Variants in DMD observed in about 807,000 individuals in gnomAD.
DMD encodes dystrophin, also known as mutant dystrophin.
DMD carries 63 observed loss-of-function variants against 330.1 expected under a neutral mutation model. The ratio of observed to expected loss-of-function variants is 0.19; its 90% confidence interval spans 0.16 to 0.24. DMD has a LOEUF of 0.24. Among genes scored for constraint, DMD ranks in the 10% least tolerant of loss-of-function variants. The pLI is 1.00. For missense variants in DMD, 3,344 were observed against 2,684.1 expected, an observed-to-expected ratio of 1.25 and a Z score of -5.43; for synonymous variants, 1,223 against 959.8, an observed-to-expected ratio of 1.27 and a Z score of -5.07.
At chrX:33,154,215 A>C (rs1483534732) in intron 1 of DMD, among the ~76,000 whole-genome samples, 2 of 111,101 alleles carry the variant, frequency 1.8e-5, no homozygotes, top group African/African-American at 6.5e-5. Flanking sequence ...TGATCAACAC[A>C]GTGAAACCCT....
At chrX:33,316,984 A>AT (rs763624106) in intron 1 of DMD, among the ~76,000 whole-genome samples, 2 of 110,751 alleles carry the variant, frequency 1.8e-5, no homozygotes, top group African/African-American at 6.5e-5. Context: ...AGTAAATGCT[A>AT]TTTTTTTCTT....
intron 45 of DMD, among the ~76,000 whole-genome samples, chrX:31,951,111 C>CTATATATA (rs1190843934): frequency 1.5e-5 from 1 of 66,855 alleles, no homozygotes; most frequent in Non-Finnish European, 2.8e-5. Context: ...AACACACATA[C>CTATATATA]TATATATATA....
chrX:31,360,203 T>C (rs2058864251), intron 60 of DMD, among the ~76,000 whole-genome samples: 1 of 111,786 alleles, frequency 8.9e-6, no homozygotes, highest in African/African-American at 3.3e-5. Context: ...CTTCATTTAG[T>C]TGTTCATGGG....
At chrX:32,798,120 C>T (rs955573416) in intron 7 of DMD, among the ~76,000 whole-genome samples, 5 of 111,168 alleles carry the variant, frequency 4.5e-5, no homozygotes, top group Non-Finnish European at 9.4e-5. Flanking sequence ...TAGAAAATAC[C>T]AAAATTTGTT....
intron 43 of DMD, among the ~76,000 whole-genome samples, chrX:32,287,198 TAG>T (rs2097445451): frequency 8.9e-6 from 1 of 111,758 alleles, no homozygotes; most frequent in Non-Finnish European, 1.9e-5. Context: ...TATAAATTTG[TAG>T]ATACAGATTT....
chrX:31,685,247 A>T (rs1333597554), intron 52 of DMD, among the ~76,000 whole-genome samples: 1 of 111,968 alleles, frequency 8.9e-6, no homozygotes, highest in African/African-American at 3.2e-5. Context: ...CAATTTCTTT[A>T]TATTATGAAT....
intron 54 of DMD, among the ~76,000 whole-genome samples, chrX:31,630,321 G>T (rs769966125): frequency 8.9e-6 from 1 of 111,954 alleles, no homozygotes; most frequent in Admixed American, 9.5e-5. Flanking sequence ...CTGAAATATT[G>T]ACAACATCAG....
intron 2 of DMD, among the ~76,000 whole-genome samples, chrX:32,991,088 A>G (rs1484016883): frequency 9.0e-6 from 1 of 111,457 alleles, no homozygotes; most frequent in Non-Finnish European, 1.9e-5. Context: ...AGAAAACTAT[A>G]AAAGTATACA....
At chrX:31,913,970 G>A (rs1434783380) in intron 47 of DMD, among the ~76,000 whole-genome samples, 2 of 112,030 alleles carry the variant, frequency 1.8e-5, no homozygotes, top group Non-Finnish European at 3.8e-5. Flanking sequence ...AGATCCACCC[G>A]TTTTATGCTC....
At chrX:32,009,691 G>T (rs1053806405) in intron 44 of DMD, among the ~76,000 whole-genome samples, 1 of 111,461 alleles carries the variant, frequency 9.0e-6, no homozygotes, top group Non-Finnish European at 1.9e-5. Flanking sequence ...ACATTTAGAG[G>T]CTCCTTGGAG....
At chrX:32,860,102 TAAAG>T (rs2081962081) in intron 2 of DMD, among the ~76,000 whole-genome samples, 1 of 111,495 alleles carries the variant, frequency 9.0e-6, no homozygotes, top group Non-Finnish European at 1.9e-5. Context: ...TAGTATGAAA[TAAAG>T]AAATACGGAA....
intron 64 of DMD, 106 bp downstream of exon 64, chrX:31,222,941 T>C: frequency 1.5e-6 from 1 of 662,399 alleles, no homozygotes; most frequent in African/African-American, 2.1e-5. Flanking sequence ...GCAACAGGAA[T>C]TGTGACAGCT....
chrX:31,362,084 T>A (rs1226299854), intron 60 of DMD, among the ~76,000 whole-genome samples: 1 of 112,514 alleles, frequency 8.9e-6, no homozygotes, highest in Non-Finnish European at 1.9e-5. Context: ...TTTTCCTTAC[T>A]GTATTGAAAT....
intron 17 of DMD, among the ~76,000 whole-genome samples, chrX:32,540,832 G>C (rs2048418290): frequency 8.9e-6 from 1 of 111,950 alleles, no homozygotes; most frequent in African/African-American, 3.2e-5. Flanking sequence ...CATAAAATTA[G>C]TGGAGAATGA....
At chrX:32,865,988 A>G (rs2082449169) in intron 2 of DMD, among the ~76,000 whole-genome samples, 1 of 112,342 alleles carries the variant, frequency 8.9e-6, no homozygotes, top group Non-Finnish European at 1.9e-5. Flanking sequence ...ACTCATTTTG[A>G]CCAACAGAGT....
chrX:31,438,620 A>AAGTCAAG (rs2064711811), intron 60 of DMD, among the ~76,000 whole-genome samples: 1 of 111,808 alleles, frequency 8.9e-6, no homozygotes, highest in Non-Finnish European at 1.9e-5. Context: ...AAGAAAGAAA[A>AAGTCAAG]AGTCAAGAAG....
intron 49 of DMD, among the ~76,000 whole-genome samples, chrX:31,832,580 G>C (rs754331242): frequency 5.3e-4 from 59 of 112,198 alleles, no homozygotes; most frequent in Non-Finnish European, 6.2e-4. Context: ...TTGTGTTAAA[G>C]GTTGGGATGG....
chrX:31,716,564 C>CAAAAT (rs1189919961), intron 52 of DMD, among the ~76,000 whole-genome samples: 8 of 110,497 alleles, frequency 7.2e-5, no homozygotes, highest in Admixed American at 2.9e-4. Context: ...CAAAACAAAA[C>CAAAAT]AAAACAAAAC....
chrX:32,898,062 G>C (rs2085892229), intron 2 of DMD, among the ~76,000 whole-genome samples: 1 of 111,945 alleles, frequency 8.9e-6, no homozygotes, highest in Non-Finnish European at 1.9e-5. Context: ...CTCTATATTT[G>C]AGCCTCCACG....
Sources: allele counts gnomAD v4.1 joint callset (sites outside exome capture counted in the v4.1 genomes callset), GRCh38; gene constraint gnomAD v4.1.1; transcripts MANE v1.5; gene names NCBI Gene and HGNC (gene_info 2026-07-23, HGNC 2026-07-21).